TECRL: variants seen among roughly 807,000 people sequenced by gnomAD.
TECRL encodes trans-2,3-enoyl-CoA reductase like.
TECRL carries 63 observed loss-of-function variants against 52.8 expected under a neutral mutation model. The ratio of observed to expected loss-of-function variants is 1.19; its 90% CI spans 0.97 to 1.47. The LOEUF (loss-of-function observed/expected upper bound fraction) is 1.47. Ranked by LOEUF, TECRL falls within the 40% of genes most tolerant of loss-of-function variation. The pLI, the probability that TECRL is intolerant of heterozygous loss-of-function variation, is 0.00. For synonymous variants in TECRL, 164 were observed against 141.9 expected, an observed-to-expected ratio of 1.16 and a Z score of -1.10; for missense variants, 482 against 429.6, an observed-to-expected ratio of 1.12 and a Z score of -1.08.
In TECRL at chr4:64,278,764, T is replaced by C. The variant is rs1722673355; in HGVS notation, c.*1308A>G. On this transcript the variant is annotated 3_prime_UTR_variant, in exon 12 of 12. Transcript: ENST00000381210. ...AACAAATCTCTCTCTAGTCTCCCTT[T>C]GCTGCAGCTTTCCCAGCCTGTAGTA... The C allele has an allele frequency of 6.6e-6, 1 of 152,186 alleles. No individual in the cohort carries two copies. Among genetic ancestry groups the C allele is most frequent in the Admixed American group, 6.6e-5 (1 of 15,262 alleles). 9.4% of individuals were successfully genotyped at this position (152,186 alleles called of 1,614,324 possible).
At chr4:64,339,995 C>T (rs571644390) in intron 2 of TECRL, among the ~76,000 whole-genome samples, 213 of 152,256 alleles carry the variant, frequency 1.4e-3, no homozygotes, top group Non-Finnish European at 2.2e-3. Flanking sequence ...CTATGAGCAA[C>T]CGTAAACCTC....
At chr4:64,375,143 G>A (rs1252889979) in intron 2 of TECRL, 29 bp downstream of exon 2, 1 of 1,131,414 alleles carries the variant, frequency 8.8e-7, no homozygotes, top group Non-Finnish European at 1.2e-6. Flanking sequence ...ACATTATGAT[G>A]TAAATTCTAA....
At position 64,278,872 on chromosome 4, in the gene TECRL, T is replaced by C. The variant is rs1722678937; in HGVS notation, c.*1200A>G. 1 of 152,240 alleles carries C rather than the reference T, an allele frequency of 6.6e-6. No individual in the cohort carries two copies. The allele number at this position is 152,240 out of a possible 1,614,324, so 9.4% of individuals were successfully genotyped here. On this transcript the variant is annotated 3_prime_UTR_variant, in exon 12 of 12. Coordinates refer to ENST00000381210, the MANE Select transcript of TECRL (RefSeq NM_001010874.5). ...TAATAACATGCAATGTTTAACTTTC[T>C]GTTCCTGGCTTGTTTCACTTAACAT...
chr4:64,278,708 C>T lies in TECRL; in HGVS notation c.*1364G>A, dbSNP rs1208055021. 3 of 152,058 alleles carry T rather than the reference C, an allele frequency of 2.0e-5. No individual in the cohort carries two copies. The highest frequency in any genetic ancestry group is 4.4e-5 in the Non-Finnish European group (3 of 67,996). The allele number at this position is 152,058 out of a possible 1,614,324, so 9.4% of individuals were successfully genotyped here. Reference sequence around the variant, plus strand: ...GTGGTATAGAACACCAGAAATTATTCCTCCTACCAAGCTGTAACTTTGTAT... The same window carrying T: ...GTGGTATAGAACACCAGAAATTATTTCTCCTACCAAGCTGTAACTTTGTAT... On this transcript the variant is annotated 3_prime_UTR_variant, in exon 12 of 12. Transcript: ENST00000381210.
intron 1 of TECRL, among the ~76,000 whole-genome samples, chr4:64,396,522 A>G (rs542002740): frequency 2.6e-5 from 4 of 151,888 alleles, no homozygotes; most frequent in Non-Finnish European, 5.9e-5. Flanking sequence ...TGCATGTTCA[A>G]TTGTTTAAGT....
At position 64,346,640 on chromosome 4, in the gene TECRL, C is replaced by T. The variant is rs183922079; in HGVS notation, c.287-18084G>A. Among the ~76,000 whole-genome samples, 110 of 152,364 alleles carry T rather than the reference C, an allele frequency of 7.2e-4. No homozygotes were observed. In the East Asian group the frequency reaches 0.018, roughly 25 times the overall value. On this transcript the variant is annotated intron_variant, in intron 2 of 11. Coordinates refer to ENST00000381210, the MANE Select transcript of TECRL (RefSeq NM_001010874.5). Reference sequence around the variant, plus strand: ...TCCTGAGACTGCACAGATCAGGGGGCCCCTGGGCCAGGCCCACAGAACCAT... The same window carrying T: ...TCCTGAGACTGCACAGATCAGGGGGTCCCTGGGCCAGGCCCACAGAACCAT...
At chr4:64,315,074 C>T (rs1004657004) in intron 4 of TECRL, among the ~76,000 whole-genome samples, 15 of 151,832 alleles carry the variant, frequency 9.9e-5, no homozygotes, top group African/African-American at 3.6e-4. Flanking sequence ...TGTATTTGCC[C>T]AGTCCAATAC....
Position 64,409,409 on chromosome 4 carries a change from CT to C in TECRL, c.-59del. 1 of 1,582,198 alleles carries C rather than the reference CT, an allele frequency of 6.3e-7. No individual in the cohort carries two copies. The highest frequency in any genetic ancestry group is 8.6e-7 in the Non-Finnish European group (1 of 1,164,140). On this transcript the variant is annotated 5_prime_UTR_variant, in exon 1 of 12. It introduces an in-frame stop codon into an upstream open reading frame of the 5' UTR. Coordinates refer to ENST00000381210, the MANE Select transcript of TECRL (RefSeq NM_001010874.5). ...AAAGTAGAAAATTGCAAGTGTGTTC[CT>C]TTTGCATCAGTTAAATACTGCTGGA... is the stretch of plus-strand genomic sequence containing the variant.
intron 2 of TECRL, among the ~76,000 whole-genome samples, chr4:64,355,692 C>G (rs1315214207): frequency 9.3e-5 from 14 of 150,458 alleles, no homozygotes; most frequent in Non-Finnish European, 1.8e-4. Flanking sequence ...GTCCCAGCTA[C>G]TTGGGAGGCT....
intron 9 of TECRL, 98 bp from the exon 10 acceptor site, chr4:64,281,657 C>T (rs1722836242): frequency 1.1e-5 from 7 of 614,830 alleles, no homozygotes; most frequent in Non-Finnish European, 1.7e-5. Context: ...TAACTGTGTA[C>T]CACATGAAAT....
chr4:64,307,152 A>G (rs1724386368), intron 6 of TECRL, among the ~76,000 whole-genome samples: 1 of 152,158 alleles, frequency 6.6e-6, no homozygotes, highest in African/African-American at 2.4e-5. Context: ...CTTGAATGCT[A>G]TGATCTGGCT....
chr4:64,354,990 T>C (rs1358389703), intron 2 of TECRL, among the ~76,000 whole-genome samples: 1 of 152,130 alleles, frequency 6.6e-6, no homozygotes, highest in Non-Finnish European at 1.5e-5. Context: ...GTAAGTAAAG[T>C]AGAGTGGAAG....
chr4:64,357,324 T>C (rs1336619055), intron 2 of TECRL, among the ~76,000 whole-genome samples: 2 of 151,608 alleles, frequency 1.3e-5, no homozygotes, highest in Admixed American at 1.3e-4. Flanking sequence ...TGGACTATAA[T>C]ACTGACAAAA....
chr4:64,405,728 G>A (rs778869663), intron 1 of TECRL, among the ~76,000 whole-genome samples: 1 of 152,040 alleles, frequency 6.6e-6, no homozygotes, highest in East Asian at 1.9e-4. Flanking sequence ...GAGAAGTTGT[G>A]ATGACTCAGT....
chr4:64,301,603 G>T (rs1380478012), intron 7 of TECRL, among the ~76,000 whole-genome samples: 2 of 151,170 alleles, frequency 1.3e-5, no homozygotes, highest in Non-Finnish European at 3.0e-5. Flanking sequence ...ATTGATAAGT[G>T]CTACTATACA....
intron 3 of TECRL, among the ~76,000 whole-genome samples, chr4:64,323,180 G>A (rs563180495): frequency 3.3e-5 from 5 of 151,926 alleles, no homozygotes; most frequent in East Asian, 1.9e-4. Flanking sequence ...TGAGCAGATC[G>A]CTTGAGCCCA....
At chr4:64,390,503 C>T (rs1577981008) in intron 1 of TECRL, among the ~76,000 whole-genome samples, 1 of 151,752 alleles carries the variant, frequency 6.6e-6, no homozygotes, top group Non-Finnish European at 1.5e-5. Flanking sequence ...ATAATAAAGA[C>T]AAAAGCTGTT....
intron 2 of TECRL, among the ~76,000 whole-genome samples, chr4:64,374,457 A>T (rs894636614): frequency 3.0e-4 from 46 of 151,804 alleles, no homozygotes; most frequent in African/African-American, 1.0e-3. Flanking sequence ...CATGTGCACA[A>T]TGTGCAGGTT....
intron 1 of TECRL, among the ~76,000 whole-genome samples, chr4:64,380,161 C>G (rs1722684569): frequency 6.6e-6 from 1 of 151,944 alleles, no homozygotes; most frequent in Non-Finnish European, 1.5e-5. Flanking sequence ...ATGTTGACCA[C>G]TTTGTTATAT....
Sources: allele counts gnomAD v4.1 joint callset (sites outside exome capture counted in the v4.1 genomes callset), GRCh38; gene constraint gnomAD v4.1.1; transcripts MANE v1.5; gene names NCBI Gene and HGNC (gene_info 2026-07-23, HGNC 2026-07-21).